Variants in ANKS1B observed in about 807,000 individuals in gnomAD.
The protein encoded by ANKS1B is ankyrin repeat and sterile alpha motif domain containing 1B.
In ANKS1B, 36 loss-of-function variants were observed where a neutral mutation model predicts 148.3. The ratio of observed to expected loss-of-function variants is 0.24; its 90% CI spans 0.19 to 0.32. The LOEUF (loss-of-function observed/expected upper bound fraction) is 0.32. ANKS1B is among the 10% of genes least tolerant of loss of function. The pLI is 1.00. For synonymous variants in ANKS1B, 542 were observed against 560.8 expected, an observed-to-expected ratio of 0.97 and a Z score of 0.47; for missense variants, 1,157 against 1,542.6, an observed-to-expected ratio of 0.75 and a Z score of 4.19.
At chr12:99,598,899 T>C (rs988661911) in intron 9 of ANKS1B, among the ~76,000 whole-genome samples, 4 of 152,120 alleles carry the variant, frequency 2.6e-5, no homozygotes, top group Non-Finnish European at 4.4e-5. Context: ...GAAATCAATA[T>C]CGCTGGGCCA....
intron 12 of ANKS1B, among the ~76,000 whole-genome samples, chr12:99,304,989 T>C (rs1303969177): frequency 6.6e-6 from 1 of 152,114 alleles, no homozygotes; most frequent in Non-Finnish European, 1.5e-5. Flanking sequence ...TTGCAGACTA[T>C]ACAGGAATCA....
At chr12:99,325,111 T>C (rs1414339870) in intron 12 of ANKS1B, among the ~76,000 whole-genome samples, 1 of 152,126 alleles carries the variant, frequency 6.6e-6, no homozygotes, top group African/African-American at 2.4e-5. Flanking sequence ...TAATGAAGCA[T>C]ATAGGGTCTT....
At chr12:98,918,191 G>A (rs1421005001) in intron 17 of ANKS1B, among the ~76,000 whole-genome samples, 1 of 152,216 alleles carries the variant, frequency 6.6e-6, no homozygotes. Context: ...GGCCCCTCAG[G>A]CCCTTCACGG....
At chr12:99,963,480 GT>G (rs1307157977) in intron 1 of ANKS1B, among the ~76,000 whole-genome samples, 3 of 152,154 alleles carry the variant, frequency 2.0e-5, no homozygotes, top group Non-Finnish European at 4.4e-5. Context: ...AGTGCCTGCT[GT>G]TTATTTTTTC....
chr12:99,786,946 T>A (rs910586650), intron 4 of ANKS1B, among the ~76,000 whole-genome samples: 1 of 152,128 alleles, frequency 6.6e-6, no homozygotes, highest in Non-Finnish European at 1.5e-5. Flanking sequence ...TAGAATATAA[T>A]ACATATGTGA....
At chr12:99,105,683 A>G (rs950197707) in intron 15 of ANKS1B, among the ~76,000 whole-genome samples, 2 of 147,728 alleles carry the variant, frequency 1.4e-5, no homozygotes, top group African/African-American at 5.0e-5. Context: ...GCAGGAGAAT[A>G]GCGTGAACTC....
intron 9 of ANKS1B, among the ~76,000 whole-genome samples, chr12:99,616,453 A>G (rs1248963311): frequency 1.3e-5 from 2 of 152,174 alleles, no homozygotes; most frequent in East Asian, 3.9e-4. Flanking sequence ...ATACAGACCA[A>G]TGGAACAGAA....
chr12:99,514,532 C>T (rs12299623), intron 9 of ANKS1B, among the ~76,000 whole-genome samples: 6,201 of 152,074 alleles, frequency 0.041, 442 homozygotes, highest in African/African-American at 0.14. Context: ...TCACAACAAT[C>T]CAGCCAATGC....
chr12:99,392,334 T>C (rs924438947), intron 12 of ANKS1B, among the ~76,000 whole-genome samples: 4 of 152,262 alleles, frequency 2.6e-5, no homozygotes, highest in Non-Finnish European at 5.9e-5. Context: ...TGCCACCCTC[T>C]CCATTCTAAT....
intron 1 of ANKS1B, among the ~76,000 whole-genome samples, chr12:99,928,957 CT>C (rs1314103502): frequency 6.6e-6 from 1 of 152,096 alleles, no homozygotes; most frequent in Non-Finnish European, 1.5e-5. Flanking sequence ...GATAAGTAAA[CT>C]AGTTAGTAGA....
intron 25 of ANKS1B, among the ~76,000 whole-genome samples, chr12:98,771,181 T>A (rs2098559574): frequency 6.6e-6 from 1 of 152,130 alleles, no homozygotes; most frequent in African/African-American, 2.4e-5. Flanking sequence ...AGACCAACTT[T>A]TTTTTTGAGT....
chr12:99,631,443 G>A (rs773958800), intron 9 of ANKS1B, among the ~76,000 whole-genome samples: 4 of 152,202 alleles, frequency 2.6e-5, no homozygotes, highest in Non-Finnish European at 5.9e-5. Context: ...AGATTCTGGT[G>A]AGGGTTTAGA....
chr12:98,840,592 C>G (rs1478369618), intron 17 of ANKS1B, among the ~76,000 whole-genome samples: 1 of 152,092 alleles, frequency 6.6e-6, no homozygotes, highest in East Asian at 1.9e-4. Context: ...GAAAGAGAGA[C>G]CTTAATGGTA....
intron 1 of ANKS1B, among the ~76,000 whole-genome samples, chr12:99,918,546 A>G (rs766140883): frequency 9.9e-5 from 15 of 152,194 alleles, no homozygotes; most frequent in Non-Finnish European, 1.9e-4. Flanking sequence ...TCACACAGCT[A>G]GTAAGTGATA....
chr12:98,948,070 AC>A (rs952468316), intron 17 of ANKS1B, among the ~76,000 whole-genome samples: 1 of 151,950 alleles, frequency 6.6e-6, no homozygotes, highest in African/African-American at 2.4e-5. Flanking sequence ...TAAAAAAAAA[AC>A]CCTTGGAAAG....
intron 17 of ANKS1B, among the ~76,000 whole-genome samples, chr12:98,837,379 G>A (rs1479771797): frequency 6.6e-6 from 1 of 151,766 alleles, no homozygotes; most frequent in African/African-American, 2.4e-5. Context: ...TAAAAGTTAT[G>A]GCATGTGTTC....
intron 17 of ANKS1B, among the ~76,000 whole-genome samples, chr12:98,863,589 A>G (rs974018156): frequency 1.3e-5 from 2 of 152,186 alleles, no homozygotes; most frequent in African/African-American, 4.8e-5. Context: ...TATATGTTCA[A>G]TGTTGGTAGG....
At chr12:99,900,756 G>A (rs1173274060) in intron 1 of ANKS1B, among the ~76,000 whole-genome samples, 1 of 152,050 alleles carries the variant, frequency 6.6e-6, no homozygotes, top group Non-Finnish European at 1.5e-5. Flanking sequence ...TAGAACCTTG[G>A]TCTTCTGACT....
chr12:99,441,755 C>T (rs150866408), intron 11 of ANKS1B, among the ~76,000 whole-genome samples: 12 of 151,870 alleles, frequency 7.9e-5, no homozygotes, highest in South Asian at 2.1e-4. Flanking sequence ...ATTTAAGTAA[C>T]GACAGCACCA....
Sources: gnomAD v4.1 joint callset for allele counts (sites outside exome capture counted in the v4.1 genomes callset) on GRCh38, gnomAD v4.1.1 for gene constraint, MANE v1.5 for transcripts, NCBI Gene and HGNC (gene_info 2026-07-23, HGNC 2026-07-21) for gene names.